Variants in CWH43 observed in about 807,000 individuals in gnomAD.
CWH43 encodes PGAP2-interacting protein.
A neutral mutation model predicts 85.7 loss-of-function variants in CWH43; 91 were observed. The observed-to-expected ratio is 1.06, with a 90% CI of 0.90 to 1.26. The LOEUF (loss-of-function observed/expected upper bound fraction) is 1.26. Among genes scored for constraint, CWH43 ranks in the 50% most tolerant of loss-of-function variants. The pLI is 0.00. For missense variants in CWH43, 869 were observed against 839.2 expected (o/e 1.04, Z -0.44); for synonymous variants, 323 against 293.6 (o/e 1.10, Z -1.02).
At position 49,039,851 on chromosome 4, in the gene CWH43, C is replaced by T. The variant is rs559463570; in HGVS notation, c.1803+1671C>T. On this transcript the variant is annotated intron_variant, in intron 13 of 15. Coordinates refer to ENST00000226432, the MANE Select transcript of CWH43 (RefSeq NM_025087.3). ...TGTTGGTATGCTGCACCCATTAACTCGTCATTTAACATTAGGTATATCTCC... is the reference window on the plus strand; with the variant it reads ...TGTTGGTATGCTGCACCCATTAACTTGTCATTTAACATTAGGTATATCTCC... Among the ~76,000 whole-genome samples the T allele has an allele frequency of 7.9e-5, 12 of 151,922 alleles. No homozygotes were observed. The South Asian group carries it at 1.9e-3, about 24-fold the overall frequency.
chr4:49,056,629 T>C (rs1368750450), intron 15 of CWH43, among the ~76,000 whole-genome samples: 1 of 151,690 alleles, frequency 6.6e-6, no homozygotes. Context: ...AGTTTCATAT[T>C]TTTTTTTATT....
At position 48,988,654 on chromosome 4, in the gene CWH43, G is replaced by A. The variant is rs1393084201; in HGVS notation, c.221G>A (p.Arg74Lys). 8 of 1,599,580 alleles carry A rather than the reference G, an allele frequency of 5.0e-6. No individual in the cohort carries two copies. The highest frequency in any genetic ancestry group is 6.8e-6 in the Non-Finnish European group (8 of 1,174,196). The change falls in exon 2 of 16, where the codon AGG (arginine) becomes AAG (lysine). Residue 74 changes from arginine (R) to lysine (K), a missense_variant. By Grantham distance (26) the Arg-to-Lys change is conservative. Transcript: ENST00000226432. ...AAGAAGTGGATGCTAACCCTGCTGA[G>A]GATAATCACTATTGGTAAGATTTAA... is the stretch of plus-strand genomic sequence containing the variant. The part of the protein sequence containing the change: ...VNKKWMLTLL[R>K]IITIGSIASF...
At chr4:48,994,893 CAGCT>C in intron 5 of CWH43, 73 bp downstream of exon 5, 1 of 1,206,160 alleles carries the variant, frequency 8.3e-7, no homozygotes, top group Non-Finnish European at 1.2e-6. Context: ...CTTTGTCAGA[CAGCT>C]AGGTCTGTGC....
chr4:49,032,603 G>C lies in CWH43; in HGVS notation c.1546G>C (p.Glu516Gln), dbSNP rs34483636. Residue 516 changes from glutamate (E) to glutamine (Q), a missense_variant, in exon 12 of 16, where the codon GAG becomes CAG. Physicochemically the swap from Glu to Gln is conservative, Grantham distance 29 (BLOSUM62 2). Coordinates refer to ENST00000226432, the MANE Select transcript of CWH43 (RefSeq NM_025087.3). ...ALSRYPIVKS[E>Q]HHLLPSPEGE... is the part of the protein sequence containing the mutation. ...GTCAAGATACCCAATTGTGAAATCTGAGCATCACCTTCTTCCGTCACCAGA... is the reference window on the plus strand; with the variant it reads ...GTCAAGATACCCAATTGTGAAATCTCAGCATCACCTTCTTCCGTCACCAGA... The C allele has an allele frequency of 7.3e-4, 1,184 of 1,613,954 alleles. 7 individuals carry two copies. The African/African-American group carries it at 0.014, about 19-fold the overall frequency.
chr4:49,030,450 G>C (rs976854887), intron 10 of CWH43, among the ~76,000 whole-genome samples: 2 of 152,194 alleles, frequency 1.3e-5, no homozygotes, highest in African/African-American at 4.8e-5. Flanking sequence ...TTCTGGGTCA[G>C]TACTATGGAG....
At chr4:49,030,303 G>A (rs576153000) in intron 10 of CWH43, among the ~76,000 whole-genome samples, 5 of 152,164 alleles carry the variant, frequency 3.3e-5, no homozygotes, top group East Asian at 1.9e-4. Flanking sequence ...AATGATAAGC[G>A]TGCCTCCTGA....
chr4:49,044,753 G>A (rs1784569847), intron 13 of CWH43, 33 bp from the exon 14 acceptor site: 1 of 1,581,094 alleles, frequency 6.3e-7, no homozygotes, highest in South Asian at 1.1e-5. Flanking sequence ...TGCTTTTTAT[G>A]CTTTAAACAT....
At chr4:49,027,595 C>T (rs940316249) in intron 9 of CWH43, among the ~76,000 whole-genome samples, 7 of 151,936 alleles carry the variant, frequency 4.6e-5, no homozygotes, top group African/African-American at 1.7e-4. Flanking sequence ...TTTTAGGGTG[C>T]ATGGGATGTT....
intron 14 of CWH43, among the ~76,000 whole-genome samples, chr4:49,047,659 G>T (rs370044583): frequency 1.3e-5 from 2 of 152,092 alleles, no homozygotes; most frequent in Admixed American, 6.6e-5. Context: ...AGTGAGGTTA[G>T]TGGGGCTGGA....
At chr4:49,046,623 C>A (rs1240483002) in intron 14 of CWH43, among the ~76,000 whole-genome samples, 1 of 151,924 alleles carries the variant, frequency 6.6e-6, no homozygotes. Context: ...TTGGCAGCAC[C>A]TCAAGTGGAA....
chr4:49,055,841 C>T (rs995725368), intron 15 of CWH43, among the ~76,000 whole-genome samples: 3 of 152,106 alleles, frequency 2.0e-5, no homozygotes, highest in African/African-American at 4.8e-5. Flanking sequence ...AGGTGATCTG[C>T]CTGCCTTGGC....
intron 15 of CWH43, among the ~76,000 whole-genome samples, chr4:49,060,760 T>C (rs1278558481): frequency 2.6e-5 from 4 of 152,234 alleles, no homozygotes; most frequent in Non-Finnish European, 4.4e-5. Context: ...GCATGGATAG[T>C]TGTTCAAATG....
Position 49,050,758 on chromosome 4 carries a change from A to G in CWH43, c.1930A>G (p.Arg644Gly). ...SDSEIQMAKF[R>G]IPDDPTNYRD... is the part of the protein sequence containing the mutation. ...TTCAGAAATTCAGATGGCAAAATTT[A>G]GGATCCCTGATGACCCCACTAATTA... The change falls in exon 15 of 16, where the codon AGG becomes GGG. Residue 644 changes from arginine (R) to glycine (G), a missense_variant. Physicochemically the swap from Arg to Gly is moderately radical, Grantham distance 125. Transcript: ENST00000226432. 1 of 1,612,336 alleles carries G rather than the reference A, an allele frequency of 6.2e-7. No individual in the cohort carries two copies. The highest frequency in any genetic ancestry group is 2.2e-5 in the East Asian group (1 of 44,820).
In CWH43 at chr4:49,030,924, C is replaced by T. The variant is rs533411383; in HGVS notation, c.1472C>T (p.Thr491Ile). The T allele has an allele frequency of 6.2e-6, 10 of 1,609,756 alleles. 1 individual carries two copies. In the Middle Eastern group the frequency reaches 6.6e-4, roughly 107 times the overall value. Reference protein sequence around the residue: ...MWLGEKLGFYTDFGPSTRYHT... With the variant: ...MWLGEKLGFYIDFGPSTRYHT... ...CTAGGGGAAAAGTTGGGTTTCTATA[C>T]AGACTTTGGTCCAAGCACAAGGTAT... The change falls in exon 11 of 16, where the codon ACA becomes ATA. Residue 491 changes from threonine to isoleucine, a missense_variant. By Grantham distance (89) the Thr-to-Ile change is moderately conservative. Coordinates refer to ENST00000226432, the MANE Select transcript of CWH43 (RefSeq NM_025087.3).
rs552387699 is a variant in CWH43 at position 49,036,154 on chromosome 4, G to A, written c.1659-1882G>A. ...GAATGCAGCTACTGCCAGAGGGACT[G>A]GGGAAGGAATCCCTGAATGTTGCTC... On this transcript the variant is annotated intron_variant, in intron 12 of 15. Transcript: ENST00000226432. 5.9e-5 allele frequency among the ~76,000 whole-genome samples: 9 copies of A among 152,264 alleles called. No homozygotes were observed. The East Asian group carries it at 1.7e-3, about 29-fold the overall frequency.
chr4:49,000,783 G>C (rs1782964837), intron 6 of CWH43, among the ~76,000 whole-genome samples: 1 of 152,092 alleles, frequency 6.6e-6, no homozygotes, highest in African/African-American at 2.4e-5. Context: ...ATCCTTGAGA[G>C]TCAAACCTAA....
chr4:48,998,422 C>G (rs1299420257), intron 5 of CWH43, 38 bp from the exon 6 acceptor site: 2 of 1,425,402 alleles, frequency 1.4e-6, no homozygotes, highest in Non-Finnish European at 2.0e-6. Flanking sequence ...TGAAATATTA[C>G]TAATGTCACA....
At chr4:48,999,954 G>A (rs1448326775) in intron 6 of CWH43, among the ~76,000 whole-genome samples, 2 of 151,990 alleles carry the variant, frequency 1.3e-5, no homozygotes, top group African/African-American at 2.4e-5. Context: ...TGAAGAGGAG[G>A]GAGCATTGAA....
chr4:49,040,007 C>G (rs1254215488), intron 13 of CWH43, among the ~76,000 whole-genome samples: 1 of 151,400 alleles, frequency 6.6e-6, no homozygotes, highest in Non-Finnish European at 1.5e-5. Context: ...TTGGTTTTTT[C>G]TCCTTGCGAT....
Sources: gnomAD v4.1 joint callset for allele counts (sites outside exome capture counted in the v4.1 genomes callset) on GRCh38, gnomAD v4.1.1 for gene constraint, MANE v1.5 for transcripts, NCBI Gene and HGNC (gene_info 2026-07-23, HGNC 2026-07-21) for gene names.